Variants in CHN2 observed in about 807,000 individuals in gnomAD.
CHN2 encodes chimerin 2.
Under a neutral mutation model 56.3 loss-of-function variants are expected in CHN2, and 35 were observed. That is an observed-to-expected ratio of 0.62 (90% CI 0.47 to 0.82). The LOEUF (loss-of-function observed/expected upper bound fraction) is 0.82. Among genes scored for constraint, CHN2 ranks in the 40% least tolerant of loss-of-function variants. The pLI is 0.00. For synonymous variants in CHN2, 210 were observed against 212.8 expected, an observed-to-expected ratio of 0.99 and a Z score of 0.12; for missense variants, 491 against 580.5, an observed-to-expected ratio of 0.85 and a Z score of 1.58.
At chr7:29,150,205 T>A (rs1430487681) in intron 2 of CHN2, among the ~76,000 whole-genome samples, 1 of 152,236 alleles carries the variant, frequency 6.6e-6, no homozygotes, top group Non-Finnish European at 1.5e-5. Flanking sequence ...AGTTTGAATC[T>A]AGAACCTTGC....
At chr7:29,295,047 A>G (rs1186693769) in intron 1 of CHN2, among the ~76,000 whole-genome samples, 2 of 152,216 alleles carry the variant, frequency 1.3e-5, no homozygotes, top group Non-Finnish European at 2.9e-5. Flanking sequence ...AAAATAGCAT[A>G]GTATTTGCAT....
At chr7:29,167,206 T>C (rs1796028835) in intron 2 of CHN2, among the ~76,000 whole-genome samples, 1 of 152,226 alleles carries the variant, frequency 6.6e-6, no homozygotes, top group Non-Finnish European at 1.5e-5. Context: ...TTATTTTTGC[T>C]TAAGTATGTA....
At chr7:29,284,288 T>A (rs531961982) in intron 1 of CHN2, among the ~76,000 whole-genome samples, 14 of 152,036 alleles carry the variant, frequency 9.2e-5, no homozygotes, top group African/African-American at 2.9e-4. Context: ...AGAGATGGGG[T>A]TTCACCACGT....
chr7:29,244,625 G>A (rs948768437), intron 1 of CHN2, among the ~76,000 whole-genome samples: 1 of 152,162 alleles, frequency 6.6e-6, no homozygotes, highest in South Asian at 2.1e-4. Context: ...TGGTGTACGT[G>A]CGCGCCATAT....
chr7:29,464,905 G>GTA (rs1785439854), intron 6 of CHN2, among the ~76,000 whole-genome samples: 1 of 152,198 alleles, frequency 6.6e-6, no homozygotes, highest in Non-Finnish European at 1.5e-5. Flanking sequence ...TTCTCCAGGA[G>GTA]TATGGGAGGC....
At chr7:29,329,445 C>T (rs1202045647) in intron 1 of CHN2, among the ~76,000 whole-genome samples, 1 of 143,978 alleles carries the variant, frequency 6.9e-6, no homozygotes, top group African/African-American at 2.6e-5. Flanking sequence ...AGAACATGGG[C>T]CAACCAGAGA....
chr7:29,425,492 G>A (rs1804770361), intron 6 of CHN2, among the ~76,000 whole-genome samples: 1 of 152,170 alleles, frequency 6.6e-6, no homozygotes, highest in Non-Finnish European at 1.5e-5. Context: ...GAGTAATACA[G>A]TCCATAAAAG....
intron 3 of CHN2, among the ~76,000 whole-genome samples, chr7:29,376,896 G>T (rs1183570260): frequency 1.3e-5 from 2 of 152,068 alleles, no homozygotes; most frequent in African/African-American, 4.8e-5. Context: ...TAAGGGTGGG[G>T]TCAGTACTTG....
intron 1 of CHN2, among the ~76,000 whole-genome samples, chr7:29,295,314 A>AAC (rs58693628): frequency 0.055 from 7,951 of 145,008 alleles, 306 homozygotes; most frequent in African/African-American, 0.11. Flanking sequence ...TTTAGCTGTG[A>AAC]ACACACACAC....
At chr7:29,186,105 ATT>A (rs1267415357) in intron 2 of CHN2, among the ~76,000 whole-genome samples, 1 of 152,140 alleles carries the variant, frequency 6.6e-6, no homozygotes, top group Non-Finnish European at 1.5e-5. Flanking sequence ...TTAGGGAATA[ATT>A]TTGATCCCTT....
intron 1 of CHN2, among the ~76,000 whole-genome samples, chr7:29,302,967 G>A (rs775830639): frequency 1.6e-4 from 25 of 152,084 alleles, no homozygotes; most frequent in African/African-American, 2.7e-4. Context: ...TTATACACAC[G>A]TATACACATG....
At chr7:29,213,888 T>TAA (rs141768623) in intron 1 of CHN2, among the ~76,000 whole-genome samples, 2 of 151,864 alleles carry the variant, frequency 1.3e-5, no homozygotes, top group Non-Finnish European at 2.9e-5. Context: ...GCTTAAACAT[T>TAA]AAAAAAAAGA....
intron 2 of CHN2, among the ~76,000 whole-genome samples, chr7:29,155,336 T>G (rs1046156191): frequency 3.3e-5 from 5 of 152,118 alleles, no homozygotes; most frequent in African/African-American, 1.2e-4. Flanking sequence ...TTTCCAATGC[T>G]AAGAGGAAAG....
intron 2 of CHN2, among the ~76,000 whole-genome samples, chr7:29,185,258 G>C (rs1017085315): frequency 6.6e-6 from 1 of 152,152 alleles, no homozygotes; most frequent in Non-Finnish European, 1.5e-5. Flanking sequence ...TGTTCTTGTG[G>C]GAGTGACCCT....
chr7:29,461,816 TTGGATGGATGGATGGATGGA>T (rs5883212), intron 6 of CHN2, among the ~76,000 whole-genome samples: 5 of 143,964 alleles, frequency 3.5e-5, no homozygotes, highest in Middle Eastern at 7.0e-3. Flanking sequence ...GGTTGGTTCA[TTGGATGGATGGATGGATGGA>T]TGGATGGATG....
intron 10 of CHN2, among the ~76,000 whole-genome samples, chr7:29,505,285 G>A (rs1425243122): frequency 6.6e-6 from 1 of 152,130 alleles, no homozygotes. Context: ...TAAAAATATG[G>A]GTCACTGGGA....
intron 12 of CHN2, among the ~76,000 whole-genome samples, chr7:29,510,051 C>T (rs1434731518): frequency 6.6e-6 from 1 of 152,052 alleles, no homozygotes; most frequent in East Asian, 1.9e-4. Flanking sequence ...CCTGTTCATC[C>T]CCCTGTTGCT....
intron 6 of CHN2, among the ~76,000 whole-genome samples, chr7:29,466,197 C>T (rs755710282): frequency 6.1e-5 from 9 of 148,470 alleles, no homozygotes; most frequent in Non-Finnish European, 7.4e-5. Context: ...GTGAAATTGT[C>T]AAAATAAAGA....
chr7:29,259,393 A>G (rs996889129), intron 1 of CHN2, among the ~76,000 whole-genome samples: 2 of 152,056 alleles, frequency 1.3e-5, no homozygotes, highest in African/African-American at 2.4e-5. Flanking sequence ...GAAGATCTCT[A>G]TGTGTGAGTG....
Sources: gnomAD v4.1 joint callset for allele counts (sites outside exome capture counted in the v4.1 genomes callset) on GRCh38, gnomAD v4.1.1 for gene constraint, MANE v1.5 for transcripts, NCBI Gene and HGNC (gene_info 2026-07-23, HGNC 2026-07-21) for gene names.